GTPBP6: variants seen among roughly 807,000 people sequenced by gnomAD.
The protein encoded by GTPBP6 is putative GTP-binding protein 6.
A neutral mutation model predicts 28.9 loss-of-function variants in GTPBP6; 33 were observed. The observed-to-expected ratio is 1.14, with a 90% confidence interval of 0.87 to 1.53. The LOEUF is 1.53. Ranked by LOEUF, GTPBP6 falls within the 40% of genes most tolerant of loss-of-function variation. The probability of loss-of-function intolerance (pLI) is 0.00; values close to 1 mark genes in which losing one functional copy is unlikely to be tolerated. For synonymous variants in GTPBP6, 231 were observed against 192.7 expected (o/e 1.20, Z -1.65); for missense variants, 507 against 408.3 (o/e 1.24, Z -2.08).
exon 8 of GTPBP6, chrX:307,733 C>A: frequency 2.7e-6 from 4 of 1,476,984 alleles, no homozygotes; most frequent in South Asian, 1.4e-5. Flanking sequence ...CGGACTCACC[C>A]GGGCACGAGG....
At position 311,291 on chromosome X, in the gene GTPBP6, TCCGAGGGCCCGGCCC is replaced by T. The variant is rs1416615504; in HGVS notation, c.1125+113_1125+127del. 7.0e-3 allele frequency: 4,653 copies of T among 661,012 alleles called. 64 individuals carry two copies. Among genetic ancestry groups the T allele is most frequent in the African/African-American group, 0.011 (551 of 49,228 alleles). 40.9% of individuals were successfully genotyped at this position (661,012 alleles called of 1,614,324 possible). On this transcript the variant is annotated intron_variant, in intron 7 of 9. Transcript: ENST00000326153. The stretch of plus-strand genomic sequence containing the variant: ...GCCTGGCCCCTGGGCTGAGTGGGTG[TCCGAGGGCCCGGCCC>T]CTGGGCTGAGTGGGTGTCCGAGGGC...
At chrX:311,796 C>T in intron 6 of GTPBP6, 169 bp from the exon 7 acceptor site, 1 of 632,740 alleles carries the variant, frequency 1.6e-6, no homozygotes, top group Non-Finnish European at 2.8e-6. Flanking sequence ...ACGCGTGGGA[C>T]AAAGCCACCG....
At chrX:315,459 G>C (rs2070412164) in intron 2 of GTPBP6, among the ~76,000 whole-genome samples, 160 bp from the exon 3 acceptor site, 3 of 151,982 alleles carry the variant, frequency 2.0e-5, no homozygotes, top group Non-Finnish European at 2.9e-5. Context: ...AGTCAGCGTG[G>C]GAGGGGGTGT....
chrX:309,464 G>A (rs1162140426), intron 7 of GTPBP6, among the ~76,000 whole-genome samples: 1 of 130,486 alleles, frequency 7.7e-6, no homozygotes, highest in Non-Finnish European at 1.7e-5. Flanking sequence ...GTATGTTTAC[G>A]ACAGAAAGAA....
chrX:315,758 CACACACAAACACAGTAA>C (rs2070423639), intron 2 of GTPBP6, among the ~76,000 whole-genome samples: 1 of 31,290 alleles, frequency 3.2e-5, no homozygotes, highest in Non-Finnish European at 6.8e-5. Context: ...TACACAGAGA[CACACACAAACACAGTAA>C]ACACATCCCA....
At chrX:316,711 G>A (rs1266817840) in intron 2 of GTPBP6, among the ~76,000 whole-genome samples, 1 of 152,062 alleles carries the variant, frequency 6.6e-6, no homozygotes, top group Non-Finnish European at 1.5e-5. Context: ...TCCAGGGCCC[G>A]GTGTGAATCT....
chrX:314,529 G>A (rs1203663949), intron 4 of GTPBP6, among the ~76,000 whole-genome samples: 4 of 151,564 alleles, frequency 2.6e-5, no homozygotes, highest in African/African-American at 4.9e-5. Flanking sequence ...CTGGAGTGCA[G>A]TGGCGTGATC....
rs1275019779 is a variant in GTPBP6, at chrX:307,557, G to T, written c.1275-45C>A. ...ACAGGCCCCGCTCAGCGTCGGGGCG[G>T]CCGGACGAAATCAGGGTCCCCAGGA... On this transcript the variant is annotated intron_variant, in intron 8 of 9. Transcript: ENST00000326153. 1.9e-6 allele frequency: 3 copies of T among 1,594,340 alleles called. No homozygotes were observed. In the Admixed American group the frequency reaches 5.1e-5, roughly 27 times the overall value.
rs1312225034 is a variant in GTPBP6, at chrX:305,467, G to GCC, written c.1428-271_1428-270insGG. Among the ~76,000 whole-genome samples the GCC allele has an allele frequency of 2.4e-4, 36 of 151,562 alleles. No individual in the cohort carries two copies. In the South Asian group the frequency reaches 4.0e-3, roughly 17 times the overall value. On this transcript the variant is annotated intron_variant, in intron 9 of 9. Coordinates refer to ENST00000326153, the Ensembl canonical transcript of GTPBP6. ...CTCCCGAGTAGCTGGGACTACAGGT[G>GCC]CATGCCACCACACCTGGCTAATTTT...
At chrX:305,069 TC>T in exon 10 of GTPBP6, 1 of 1,612,218 alleles carries the variant, frequency 6.2e-7, no homozygotes, top group Non-Finnish European at 8.5e-7. Context: ...TCTGTGGGCG[TC>T]CGTTCATCCT....
At chrX:308,996 A>T (rs775579980) in intron 7 of GTPBP6, among the ~76,000 whole-genome samples, 298 of 152,208 alleles carry the variant, frequency 2.0e-3, no homozygotes, top group African/African-American at 7.0e-3. Flanking sequence ...AAGTGCTGGG[A>T]TTGCAGGCGT....
intron 2 of GTPBP6, among the ~76,000 whole-genome samples, 192 bp downstream of exon 2, chrX:316,722 C>T (rs1222632425): frequency 6.6e-6 from 1 of 152,078 alleles, no homozygotes; most frequent in African/African-American, 2.4e-5. Flanking sequence ...GTGTGAATCT[C>T]GACACAGATA....
In GTPBP6 at chrX:314,149, C is replaced by G. The variant is rs774158107; in HGVS notation, c.757+1G>C. ...GGGACGCCGCGCCCGGCCCGAGTTA[C>G]CTGACCCCATGATGTAGCGCGAGCC... On this transcript the variant is annotated splice_donor_variant, in intron 5 of 9. Transcript: ENST00000326153. LOFTEE classifies it high-confidence loss of function. 6.2e-7 allele frequency: 1 copy of G among 1,611,326 alleles called. No individual in the cohort carries two copies. Among genetic ancestry groups the G allele is most frequent in the Admixed American group, 1.7e-5 (1 of 59,830 alleles).
intron 1 of GTPBP6, among the ~76,000 whole-genome samples, chrX:317,750 C>A (rs2070466922): frequency 7.1e-6 from 1 of 141,686 alleles, no homozygotes; most frequent in Non-Finnish European, 1.5e-5. Flanking sequence ...ACGGGCCCCA[C>A]CCCATCCCAC....
chrX:304,840 T>C, exon 10 of GTPBP6: 1 of 1,404,058 alleles, frequency 7.1e-7, no homozygotes, highest in Non-Finnish European at 9.3e-7. Flanking sequence ...CCCACTGGAA[T>C]TGTGTGGATG....
At chrX:313,011 CG>C in intron 5 of GTPBP6, 87 bp from the exon 6 acceptor site, 1 of 1,206,104 alleles carries the variant, frequency 8.3e-7, no homozygotes. Flanking sequence ...TGCGGGGGCC[CG>C]GGGCCTGCTC....
chrX:314,675 A>G (rs2070395059), intron 4 of GTPBP6, among the ~76,000 whole-genome samples: 2 of 151,766 alleles, frequency 1.3e-5, no homozygotes, highest in African/African-American at 2.4e-5. Context: ...ACGGGGTTTC[A>G]CCGTGTTGGC....
rs370255032 is a variant in GTPBP6, at chrX:312,944, G to C, written c.758-20C>G. 1.9e-6 allele frequency: 3 copies of C among 1,601,698 alleles called. No homozygotes were observed. The highest frequency in any genetic ancestry group is 2.6e-6 in the Non-Finnish European group (3 of 1,172,420). On this transcript the variant is annotated intron_variant, in intron 5 of 9. Transcript: ENST00000326153. ...ATTCTCCTAAAAGACACCCGAGATG[G>C]TGAGGCGGTGAGCCACGCCGGGAAA... is the stretch of plus-strand genomic sequence containing the variant.
In GTPBP6 at chrX:312,880, CCTT is replaced by C. The variant is rs760035855; in HGVS notation, c.799_801del (p.Lys267del). ...TCCAAGGCCTTCCTGATCTTGGCCT[CCTT>C]CTCTCTCAGGAGACGCTGCTGCAGC... is the stretch of plus-strand genomic sequence containing the variant. On this transcript the variant is annotated inframe_deletion, in exon 6 of 10. Coordinates refer to ENST00000326153, the Ensembl canonical transcript of GTPBP6. 6 of 1,612,714 alleles carry C rather than the reference CCTT, an allele frequency of 3.7e-6. No individual in the cohort carries two copies. The East Asian group carries it at 6.7e-5, about 18-fold the overall frequency.
Sources: allele counts gnomAD v4.1 joint callset (sites outside exome capture counted in the v4.1 genomes callset), GRCh38; gene constraint gnomAD v4.1.1; transcripts MANE v1.5; gene names NCBI Gene and HGNC (gene_info 2026-07-23, HGNC 2026-07-21).